The following NRG3 variants were observed in gnomAD, a reference collection of about 807,000 sequenced individuals.
The protein encoded by NRG3 is pro-neuregulin-3, membrane-bound isoform.
In NRG3, 31 loss-of-function variants were observed where a neutral mutation model predicts 66.9. That is an observed-to-expected ratio of 0.46 (90% CI 0.35 to 0.63). NRG3 has a LOEUF of 0.63. Ranked by LOEUF, NRG3 falls within the 20% of genes least tolerant of loss-of-function variation. The pLI, the probability that NRG3 is intolerant of heterozygous loss-of-function variation, is 0.00. For missense variants in NRG3, 910 were observed against 878.9 expected, an observed-to-expected ratio of 1.04 and a Z score of -0.45; for synonymous variants, 393 against 359.4, an observed-to-expected ratio of 1.09 and a Z score of -1.06.
At chr10:81,954,817 A>G (rs1017953355) in intron 1 of NRG3, among the ~76,000 whole-genome samples, 2 of 152,156 alleles carry the variant, frequency 1.3e-5, no homozygotes, top group Non-Finnish European at 2.9e-5. Context: ...AGTCCTGCTC[A>G]TATCACCTTG....
rs548626989 is a variant in NRG3, at chr10:82,521,428, T to C, written c.953+162560T>C. Among the ~76,000 whole-genome samples, 15 of 151,766 alleles carry C rather than the reference T, an allele frequency of 9.9e-5. No homozygotes were observed. In the East Asian group the frequency reaches 2.9e-3, roughly 30 times the overall value. ...TGATCTCGGCTCACTGCAAGCCCTGTCTCCCGGGTTCACGCCATTCTCCTG... is the reference window on the plus strand; with the variant it reads ...TGATCTCGGCTCACTGCAAGCCCTGCCTCCCGGGTTCACGCCATTCTCCTG... On this transcript the variant is annotated intron_variant, in intron 2 of 8. Transcript: ENST00000372141.
chr10:82,382,361 A>G (rs2085669955), intron 2 of NRG3, among the ~76,000 whole-genome samples: 1 of 151,956 alleles, frequency 6.6e-6, no homozygotes, highest in Non-Finnish European at 1.5e-5. Flanking sequence ...ACTCATTCAA[A>G]TCCCTTAATA....
chr10:82,907,769 G>T (rs561481396), intron 4 of NRG3, among the ~76,000 whole-genome samples: 1 of 152,152 alleles, frequency 6.6e-6, no homozygotes, highest in Non-Finnish European at 1.5e-5. Context: ...GTATGCATAG[G>T]TACTGTATAT....
intron 1 of NRG3, among the ~76,000 whole-genome samples, chr10:82,187,596 T>G (rs2073882190): frequency 1.3e-5 from 2 of 152,138 alleles, no homozygotes; most frequent in Non-Finnish European, 1.5e-5. Context: ...AACCAGATAC[T>G]GTGATTTTTT....
intron 2 of NRG3, among the ~76,000 whole-genome samples, chr10:82,387,961 G>A (rs1457799482): frequency 6.6e-6 from 1 of 152,132 alleles, no homozygotes; most frequent in Non-Finnish European, 1.5e-5. Context: ...TTGTTGATGA[G>A]CAGGTGGGAG....
At position 82,835,023 on chromosome 10, in the gene NRG3, A is replaced by G. The variant is rs1269188221; in HGVS notation, c.1028-30388A>G. On this transcript the variant is annotated intron_variant, in intron 3 of 8. Coordinates refer to ENST00000372141, the MANE Select transcript of NRG3 (RefSeq NM_001010848.4). ...ATTAAGAAGGATTTGTAGCAGGAAA[A>G]CGAGGCTGGCACCTTTTCTCAAGAA... Among the ~76,000 whole-genome samples, 3 of 152,304 alleles carry G rather than the reference A, an allele frequency of 2.0e-5. No homozygotes were observed. In the East Asian group the frequency reaches 5.8e-4, roughly 29 times the overall value.
intron 2 of NRG3, among the ~76,000 whole-genome samples, chr10:82,530,440 C>G (rs1847138161): frequency 6.6e-6 from 1 of 151,870 alleles, no homozygotes; most frequent in Middle Eastern, 3.2e-3. Flanking sequence ...AGCCTGGTGG[C>G]CCTCGTTTCT....
chr10:82,309,291 T>A (rs1272342279), intron 1 of NRG3, among the ~76,000 whole-genome samples: 3 of 152,178 alleles, frequency 2.0e-5, no homozygotes, highest in Non-Finnish European at 4.4e-5. Flanking sequence ...TAGTGAAAAA[T>A]TAATTGGTAC....
intron 1 of NRG3, among the ~76,000 whole-genome samples, chr10:82,216,505 TAC>T (rs1188137904): frequency 6.1e-5 from 9 of 148,550 alleles, no homozygotes; most frequent in East Asian, 2.0e-4. Flanking sequence ...TCTATACATA[TAC>T]ACACACATAT....
intron 2 of NRG3, among the ~76,000 whole-genome samples, chr10:82,703,689 TA>T: frequency 6.6e-6 from 1 of 152,284 alleles, no homozygotes; most frequent in Non-Finnish European, 1.5e-5. Context: ...AAGAAATTCA[TA>T]AGTTCCTGGG....
intron 1 of NRG3, among the ~76,000 whole-genome samples, chr10:81,953,382 C>T (rs1344132961): frequency 1.3e-5 from 2 of 152,104 alleles, no homozygotes; most frequent in Non-Finnish European, 2.9e-5. Flanking sequence ...CCTAACACCC[C>T]AGAGAATCTT....
intron 5 of NRG3, among the ~76,000 whole-genome samples, chr10:82,957,914 G>A (rs1044738010): frequency 2.6e-5 from 4 of 151,956 alleles, no homozygotes; most frequent in African/African-American, 9.7e-5. Context: ...GTGTGTGTGT[G>A]TGTGTGTGAG....
At chr10:82,013,727 C>T (rs1351497687) in intron 1 of NRG3, among the ~76,000 whole-genome samples, 2 of 148,784 alleles carry the variant, frequency 1.3e-5, no homozygotes, top group South Asian at 4.3e-4. Flanking sequence ...TGTTCATTAT[C>T]TCTAATTTTC....
At chr10:82,296,232 A>C (rs1216308368) in intron 1 of NRG3, among the ~76,000 whole-genome samples, 1 of 152,188 alleles carries the variant, frequency 6.6e-6, no homozygotes, top group Non-Finnish European at 1.5e-5. Context: ...AAGGCTGGAG[A>C]AGTAGTGGTG....
chr10:82,429,704 T>A (rs2089671833), intron 2 of NRG3, among the ~76,000 whole-genome samples: 1 of 152,180 alleles, frequency 6.6e-6, no homozygotes, highest in Admixed American at 6.5e-5. Flanking sequence ...TTAAATATTT[T>A]TTCCGCTATA....
intron 3 of NRG3, among the ~76,000 whole-genome samples, chr10:82,822,041 G>GACACA (rs2061975016): frequency 6.6e-6 from 1 of 152,076 alleles, no homozygotes; most frequent in Admixed American, 6.5e-5. Flanking sequence ...TTTCCCTGCA[G>GACACA]ACACATGAGT....
At chr10:82,299,130 G>C (rs2080245737) in intron 1 of NRG3, among the ~76,000 whole-genome samples, 1 of 152,136 alleles carries the variant, frequency 6.6e-6, no homozygotes, top group South Asian at 2.1e-4. Flanking sequence ...TCAGCTTCTA[G>C]ACAAAAGACC....
At chr10:82,900,162 G>A (rs1591880508) in intron 4 of NRG3, among the ~76,000 whole-genome samples, 1 of 152,174 alleles carries the variant, frequency 6.6e-6, no homozygotes, top group East Asian at 1.9e-4. Context: ...ACAGTATAGC[G>A]AGGACATCAC....
At chr10:82,049,010 A>C (rs943268738) in intron 1 of NRG3, among the ~76,000 whole-genome samples, 41 of 152,160 alleles carry the variant, frequency 2.7e-4, no homozygotes, top group Middle Eastern at 3.2e-3. Flanking sequence ...GAAATGGATA[A>C]ATTCCTCGAC....
Sources: gnomAD v4.1 joint callset for allele counts (sites outside exome capture counted in the v4.1 genomes callset) on GRCh38, gnomAD v4.1.1 for gene constraint, MANE v1.5 for transcripts, NCBI Gene and HGNC (gene_info 2026-07-23, HGNC 2026-07-21) for gene names.